The following UBE2H variants were observed in gnomAD, a reference collection of about 807,000 sequenced individuals.
The protein encoded by UBE2H is ubiquitin-conjugating enzyme E2 H.
In UBE2H, 3 loss-of-function variants were observed where a neutral mutation model predicts 29.0. That is an observed-to-expected ratio of 0.10 (90% confidence interval 0.05 to 0.27). The LOEUF is 0.27. UBE2H is among the 10% of genes least tolerant of loss of function. The pLI, the probability that UBE2H is intolerant of heterozygous loss-of-function variation, is 1.00. For missense variants in UBE2H, 68 were observed against 228.2 expected, an observed-to-expected ratio of 0.30 and a Z score of 4.52; for synonymous variants, 69 against 82.9, an observed-to-expected ratio of 0.83 and a Z score of 0.91.
chr7:129,856,466 C>CA (rs1443930633), intron 5 of UBE2H, among the ~76,000 whole-genome samples: 2 of 151,732 alleles, frequency 1.3e-5, no homozygotes, highest in Non-Finnish European at 2.9e-5. Flanking sequence ...TCTAGTAGCA[C>CA]AAAAAAATAG....
intron 4 of UBE2H, 93 bp downstream of exon 4, chr7:129,858,809 C>T: frequency 1.7e-6 from 2 of 1,206,604 alleles, no homozygotes; most frequent in Non-Finnish European, 1.2e-6. Context: ...CTGATAAGGT[C>T]CAAAAAGATA....
At chr7:129,937,790 T>C (rs761977113) in intron 1 of UBE2H, among the ~76,000 whole-genome samples, 1 of 152,032 alleles carries the variant, frequency 6.6e-6, no homozygotes, top group Non-Finnish European at 1.5e-5. Flanking sequence ...ATGAATAGAG[T>C]GACAAAATAC....
At chr7:129,930,084 T>C (rs185930149) in intron 1 of UBE2H, among the ~76,000 whole-genome samples, 1 of 152,314 alleles carries the variant, frequency 6.6e-6, no homozygotes, top group Admixed American at 6.5e-5. Flanking sequence ...CTAGACTTTA[T>C]CATAATATGA....
chr7:129,947,109 C>T (rs914071890), intron 1 of UBE2H, among the ~76,000 whole-genome samples: 4 of 152,204 alleles, frequency 2.6e-5, no homozygotes, highest in Non-Finnish European at 5.9e-5. Flanking sequence ...TTATGGGTCA[C>T]ATCTGCGAAA....
At chr7:129,857,264 T>C (rs1805723286) in intron 5 of UBE2H, 1 of 518,192 alleles carries the variant, frequency 1.9e-6, no homozygotes. Flanking sequence ...TACTCATGTG[T>C]GTGCACATGT....
intron 1 of UBE2H, among the ~76,000 whole-genome samples, chr7:129,945,510 A>AAACAC (rs916592033): frequency 6.6e-6 from 1 of 152,186 alleles, no homozygotes. Flanking sequence ...ATACCAACTA[A>AAACAC]AACACAACAC....
At position 129,864,548 on chromosome 7, in the gene UBE2H, T is replaced by TTTTC. The variant is rs1317550042; in HGVS notation, c.206-5611_206-5608dup. On this transcript the variant is annotated intron_variant, in intron 3 of 6. Coordinates refer to ENST00000355621, the MANE Select transcript of UBE2H (RefSeq NM_003344.4). ...TTCACTACCAGGCATTTTCTTTTTCTTTTCTTTCTTTTTTTTTTTTTTTGA... is the reference window on the plus strand; with the variant it reads ...TTCACTACCAGGCATTTTCTTTTTCTTTTCTTTCTTTCTTTTTTTTTTTTTTTGA... Among the ~76,000 whole-genome samples, 64 of 72,088 alleles carry TTTTC rather than the reference T, an allele frequency of 8.9e-4. 1 individual carries two copies. The highest frequency in any genetic ancestry group is 1.6e-3 in the East Asian group (3 of 1,860). 47.3% of individuals were successfully genotyped at this position (72,088 alleles called of 152,430 possible).
intron 3 of UBE2H, among the ~76,000 whole-genome samples, chr7:129,877,261 T>C (rs926136487): frequency 1.3e-5 from 2 of 152,200 alleles, no homozygotes; most frequent in Admixed American, 6.5e-5. Flanking sequence ...AAAATTTGGC[T>C]CAGGAAGAAC....
At chr7:129,936,806 A>G (rs1387254197) in intron 1 of UBE2H, among the ~76,000 whole-genome samples, 5 of 136,688 alleles carry the variant, frequency 3.7e-5, no homozygotes, top group East Asian at 2.1e-4. Context: ...TCTACTAGGA[A>G]AAAAAAAAAA....
At chr7:129,917,360 G>T (rs1807065746) in intron 1 of UBE2H, among the ~76,000 whole-genome samples, 1 of 152,194 alleles carries the variant, frequency 6.6e-6, no homozygotes, top group Non-Finnish European at 1.5e-5. Flanking sequence ...AAGACAGAAA[G>T]AAAATGAAAT....
chr7:129,944,998 T>C (rs1462566097), intron 1 of UBE2H, among the ~76,000 whole-genome samples: 1 of 151,944 alleles, frequency 6.6e-6, no homozygotes, highest in African/African-American at 2.4e-5. Context: ...CTCAGAATTA[T>C]AAGTGAAAGA....
intron 6 of UBE2H, among the ~76,000 whole-genome samples, chr7:129,835,610 C>A (rs1044685453): frequency 1.3e-5 from 2 of 152,158 alleles, no homozygotes; most frequent in Non-Finnish European, 2.9e-5. Context: ...TACGGAGACA[C>A]CACTCGGCTC....
chr7:129,937,661 T>C (rs977093331), intron 1 of UBE2H, among the ~76,000 whole-genome samples: 7 of 152,218 alleles, frequency 4.6e-5, no homozygotes, highest in Non-Finnish European at 8.8e-5. Flanking sequence ...CTGCCTTTCT[T>C]CACTGCCTAG....
At chr7:129,850,994 G>A (rs944041889) in intron 5 of UBE2H, among the ~76,000 whole-genome samples, 2 of 152,100 alleles carry the variant, frequency 1.3e-5, no homozygotes, top group African/African-American at 4.8e-5. Flanking sequence ...TTCTGCTCAG[G>A]GCCAGGCTAC....
At chr7:129,881,041 G>A in intron 1 of UBE2H, 70 bp from the exon 2 acceptor site, 1 of 1,374,420 alleles carries the variant, frequency 7.3e-7, no homozygotes, top group Non-Finnish European at 1.0e-6. Flanking sequence ...AACACCCCAG[G>A]CATATGCCAC....
intron 5 of UBE2H, chr7:129,839,778 C>T: frequency 1.7e-5 from 3 of 178,198 alleles, no homozygotes; most frequent in South Asian, 2.2e-4. Context: ...TGGTGCAATC[C>T]TGACTCACTG....
intron 1 of UBE2H, among the ~76,000 whole-genome samples, chr7:129,891,385 G>A (rs943681485): frequency 2.0e-5 from 3 of 151,944 alleles, no homozygotes; most frequent in African/African-American, 7.2e-5. Context: ...CTAAACAAAG[G>A]GGGAGGGGAT....
At chr7:129,943,867 C>A (rs368798884) in intron 1 of UBE2H, among the ~76,000 whole-genome samples, 10 of 151,882 alleles carry the variant, frequency 6.6e-5, no homozygotes, top group African/African-American at 9.7e-5. Context: ...GGCGACAGAG[C>A]GAGACTGATT....
At chr7:129,859,530 G>A (rs1805762872) in intron 3 of UBE2H, among the ~76,000 whole-genome samples, 1 of 152,014 alleles carries the variant, frequency 6.6e-6, no homozygotes, top group Non-Finnish European at 1.5e-5. Context: ...ATTAAAATTG[G>A]GGCAACCAAG....
Sources: allele counts gnomAD v4.1 joint callset (sites outside exome capture counted in the v4.1 genomes callset), GRCh38; gene constraint gnomAD v4.1.1; transcripts MANE v1.5; gene names NCBI Gene and HGNC (gene_info 2026-07-23, HGNC 2026-07-21).